The following BAZ1A variants were observed in gnomAD, a reference collection of about 807,000 sequenced individuals.
BAZ1A encodes bromodomain adjacent to zinc finger domain 1A, also known as bromodomain adjacent to zinc finger domain protein 1A.
Under a neutral mutation model 185.2 loss-of-function variants are expected in BAZ1A, and 50 were observed. The ratio of observed to expected loss-of-function variants is 0.27; its 90% CI spans 0.22 to 0.34. The LOEUF is 0.34. Among genes scored for constraint, BAZ1A ranks in the 10% least tolerant of loss-of-function variants. BAZ1A has a pLI of 1.00. For missense variants in BAZ1A, 1,356 were observed against 1,839.9 expected (o/e 0.74, Z 4.81); for synonymous variants, 571 against 615.6 (o/e 0.93, Z 1.07).
chr14:34,754,005 C>T (rs909547851), intron 26 of BAZ1A, among the ~76,000 whole-genome samples: 1 of 151,888 alleles, frequency 6.6e-6, no homozygotes, highest in Non-Finnish European at 1.5e-5. Context: ...GTAATCCCAG[C>T]ACTTTGGGAG....
intron 3 of BAZ1A, among the ~76,000 whole-genome samples, chr14:34,834,466 G>C (rs1283822315): frequency 6.6e-6 from 1 of 152,162 alleles, no homozygotes. Flanking sequence ...ATAATTTGAG[G>C]ACTAATATAT....
At chr14:34,782,435 T>C (rs1169464239) in intron 16 of BAZ1A, among the ~76,000 whole-genome samples, 1 of 152,188 alleles carries the variant, frequency 6.6e-6, no homozygotes, top group East Asian at 1.9e-4. Flanking sequence ...TTCTTTTAAT[T>C]ATTTCTTCTT....
intron 10 of BAZ1A, among the ~76,000 whole-genome samples, chr14:34,795,111 G>A (rs961534404): frequency 2.0e-5 from 3 of 152,172 alleles, no homozygotes; most frequent in Non-Finnish European, 2.9e-5. Context: ...GGGACCGGGA[G>A]AAAGGAACAT....
rs368474203 is a variant in BAZ1A at position 34,773,562 on chromosome 14, C to T, written c.3152+10G>A. ...AAAGTAATGGTTACTTTAGAAAAAT[C>T]TTTTTGTACCTGTCTTTTACTATGA... On this transcript the variant is annotated intron_variant, in intron 20 of 26. Transcript: ENST00000360310. The T allele has an allele frequency of 6.6e-7, 1 of 1,508,608 alleles. No individual in the cohort carries two copies. The highest frequency in any genetic ancestry group is 2.4e-5 in the East Asian group (1 of 40,854). The allele number at this position is 1,508,608 out of a possible 1,614,324, so 93.5% of individuals were successfully genotyped here. A position where few individuals can be genotyped will look rare whatever the true frequency, so the allele number is the denominator to read the frequency against.
At chr14:34,854,358 T>C (rs991146685) in intron 3 of BAZ1A, among the ~76,000 whole-genome samples, 1 of 151,524 alleles carries the variant, frequency 6.6e-6, no homozygotes, top group African/African-American at 2.4e-5. Context: ...GGACACAGAA[T>C]CTGCAGTGAG....
In BAZ1A at chr14:34,862,219, T is replaced by C; in HGVS notation, c.217A>G (p.Lys73Glu). 6.2e-7 allele frequency: 1 copy of C among 1,614,174 alleles called. No homozygotes were observed. The highest frequency in any genetic ancestry group is 2.2e-5 in the East Asian group (1 of 44,878). The part of the protein sequence containing the change: ...TYQEALESEK[K>E]ARQNLQSFPE... Reference sequence around the variant, plus strand: ...AAACTCTGAAGATTCTGTCTTGCTTTTTTTTCTGACTCAAGTGCTTCCTGA... The same window carrying C: ...AAACTCTGAAGATTCTGTCTTGCTTCTTTTTCTGACTCAAGTGCTTCCTGA... Residue 73 changes from lysine (K) to glutamate (E), a missense_variant, in exon 3 of 27, where the codon AAA becomes GAA. Coordinates refer to ENST00000360310, the MANE Select transcript of BAZ1A (RefSeq NM_013448.3).
chr14:34,817,509 G>A (rs550812604), intron 4 of BAZ1A, among the ~76,000 whole-genome samples: 34 of 152,280 alleles, frequency 2.2e-4, no homozygotes, highest in East Asian at 9.6e-4. Context: ...AATCTCTTGC[G>A]CCTGGGAGGC....
intron 21 of BAZ1A, among the ~76,000 whole-genome samples, chr14:34,767,047 C>T (rs75646827): frequency 6.6e-6 from 1 of 152,184 alleles, no homozygotes; most frequent in African/African-American, 2.4e-5. Context: ...TCAAATGGCT[C>T]TTCAAAGCTG....
chr14:34,862,675 T>C (rs1387480278), intron 2 of BAZ1A, among the ~76,000 whole-genome samples: 1 of 151,730 alleles, frequency 6.6e-6, no homozygotes, highest in Non-Finnish European at 1.5e-5. Flanking sequence ...CATTAAAAAG[T>C]ATAAAGTTCT....
At chr14:34,843,314 C>T (rs1023347775) in intron 3 of BAZ1A, among the ~76,000 whole-genome samples, 1 of 152,190 alleles carries the variant, frequency 6.6e-6, no homozygotes, top group African/African-American at 2.4e-5. Context: ...CTTCCTTTGG[C>T]CAGTGTAACA....
chr14:34,859,719 CCTTA>C (rs1351642834), intron 3 of BAZ1A, among the ~76,000 whole-genome samples: 4 of 152,090 alleles, frequency 2.6e-5, no homozygotes, highest in African/African-American at 9.7e-5. Context: ...ACTATTCTTA[CCTTA>C]CTTACTACTC....
intron 25 of BAZ1A, 53 bp downstream of exon 25, chr14:34,758,651 T>G: frequency 3.2e-6 from 5 of 1,565,672 alleles, no homozygotes; most frequent in Non-Finnish European, 4.4e-6. Context: ...AGTTATCACG[T>G]GGACTAAATC....
intron 4 of BAZ1A, 35 bp from the exon 5 acceptor site, chr14:34,811,071 A>G (rs2041923557): frequency 7.3e-7 from 1 of 1,372,016 alleles, no homozygotes; most frequent in Admixed American, 2.1e-5. Flanking sequence ...AAATCAGTTA[A>G]TAATTTGGAA....
chr14:34,810,642 T>C (rs1373168507), intron 5 of BAZ1A, among the ~76,000 whole-genome samples: 1 of 152,038 alleles, frequency 6.6e-6, no homozygotes, highest in Non-Finnish European at 1.5e-5. Context: ...TTTTTTTTAA[T>C]AGAGACAGGG....
chr14:34,827,342 G>A (rs1225774095), intron 3 of BAZ1A, among the ~76,000 whole-genome samples: 2 of 152,146 alleles, frequency 1.3e-5, no homozygotes, highest in Non-Finnish European at 2.9e-5. Flanking sequence ...CTGCCGGGTT[G>A]TTCCATCCAT....
intron 3 of BAZ1A, among the ~76,000 whole-genome samples, chr14:34,837,407 AT>A (rs11378657): frequency 8.2e-5 from 12 of 145,910 alleles, no homozygotes; most frequent in Admixed American, 1.4e-4. Context: ...ACCCCAGCTA[AT>A]TTTTTTTTTT....
At chr14:34,810,247 A>G (rs986964532) in intron 5 of BAZ1A, among the ~76,000 whole-genome samples, 2 of 152,204 alleles carry the variant, frequency 1.3e-5, no homozygotes, top group African/African-American at 2.4e-5. Flanking sequence ...TCAGATGACT[A>G]AGAGCCTAAA....
chr14:34,754,027 C>T (rs1350795923), intron 26 of BAZ1A, among the ~76,000 whole-genome samples: 3 of 151,450 alleles, frequency 2.0e-5, no homozygotes, highest in African/African-American at 7.3e-5. Flanking sequence ...CCGAGGCAGA[C>T]GGATCACCTG....
At chr14:34,777,036 G>C (rs899587730) in intron 17 of BAZ1A, among the ~76,000 whole-genome samples, 1 of 152,208 alleles carries the variant, frequency 6.6e-6, no homozygotes, top group Admixed American at 6.5e-5. Flanking sequence ...TGCAAAATCT[G>C]TCATTTCCAT....
Sources: gnomAD v4.1 joint callset for allele counts (sites outside exome capture counted in the v4.1 genomes callset) on GRCh38, gnomAD v4.1.1 for gene constraint, MANE v1.5 for transcripts, NCBI Gene and HGNC (gene_info 2026-07-23, HGNC 2026-07-21) for gene names.